Variants in ANKS1B observed in about 807,000 individuals in gnomAD.
ANKS1B encodes the protein ankyrin repeat and sterile alpha motif domain-containing protein 1B.
A neutral mutation model predicts 148.3 loss-of-function variants in ANKS1B; 36 were observed. The observed-to-expected ratio is 0.24, with a 90% CI of 0.19 to 0.32. The LOEUF (loss-of-function observed/expected upper bound fraction) is 0.32, where lower values mean the gene tolerates loss of function less well. ANKS1B is among the 10% of genes least tolerant of loss of function. The pLI, the probability that ANKS1B is intolerant of heterozygous loss-of-function variation, is 1.00. For synonymous variants in ANKS1B, 542 were observed against 560.8 expected (o/e 0.97, Z 0.47); for missense variants, 1,157 against 1,542.6 (o/e 0.75, Z 4.19).
intron 20 of ANKS1B, among the ~76,000 whole-genome samples, chr12:98,804,533 C>T (rs1182035680): frequency 6.6e-6 from 1 of 151,820 alleles, no homozygotes; most frequent in African/African-American, 2.4e-5. Context: ...AACAACTGGA[C>T]TTAACATTAC....
intron 9 of ANKS1B, among the ~76,000 whole-genome samples, chr12:99,585,783 T>C (rs562085954): frequency 6.6e-6 from 1 of 152,180 alleles, no homozygotes; most frequent in Non-Finnish European, 1.5e-5. Flanking sequence ...TCTGAAGCCA[T>C]GGCCCAGGCT....
chr12:99,789,405 T>C (rs977121985), intron 4 of ANKS1B, among the ~76,000 whole-genome samples: 6 of 152,016 alleles, frequency 3.9e-5, no homozygotes, highest in Admixed American at 2.6e-4. Context: ...AACTCTTCAA[T>C]GCCCAAACAT....
intron 15 of ANKS1B, among the ~76,000 whole-genome samples, chr12:99,086,059 A>C (rs927841616): frequency 2.0e-5 from 3 of 152,208 alleles, no homozygotes; most frequent in African/African-American, 7.2e-5. Flanking sequence ...TCACGATATG[A>C]AGATTGAATG....
intron 9 of ANKS1B, among the ~76,000 whole-genome samples, chr12:98,738,410 G>A (rs545592431): frequency 3.3e-5 from 5 of 152,254 alleles, no homozygotes; most frequent in Non-Finnish European, 7.4e-5. Context: ...TTGGGTCTGG[G>A]GGTTCAGAGC....
At chr12:99,439,837 G>T (rs922335736) in intron 11 of ANKS1B, among the ~76,000 whole-genome samples, 7 of 151,690 alleles carry the variant, frequency 4.6e-5, no homozygotes, top group African/African-American at 1.7e-4. Context: ...ACTTACATGT[G>T]TATATTCATA....
rs558469777 is a variant in ANKS1B, at chr12:99,612,170, T to C, written c.1272+42897A>G. Among the ~76,000 whole-genome samples the C allele has an allele frequency of 2.6e-5, 4 of 152,144 alleles. No individual in the cohort carries two copies. The South Asian group carries it at 8.4e-4, about 32-fold the overall frequency. ...AATGCAAAGTCATGACATGTACGGG[T>C]TCAGAGACACAGAGCTGATTGAGCA... On this transcript the variant is annotated intron_variant, in intron 9 of 26. Coordinates refer to ENST00000683438, the MANE Select transcript of ANKS1B (RefSeq NM_001352186.2).
At chr12:99,375,673 T>C (rs1159858194) in intron 12 of ANKS1B, among the ~76,000 whole-genome samples, 1 of 148,614 alleles carries the variant, frequency 6.7e-6, no homozygotes, top group Non-Finnish European at 1.5e-5. Context: ...CTCTAAGACA[T>C]GTTAAAAAAA....
At chr12:98,765,969 A>G (rs1453997356) in intron 25 of ANKS1B, among the ~76,000 whole-genome samples, 2 of 152,156 alleles carry the variant, frequency 1.3e-5, no homozygotes, top group Non-Finnish European at 2.9e-5. Context: ...TCTAAAGGCC[A>G]CCCCCTGATC....
intron 9 of ANKS1B, among the ~76,000 whole-genome samples, chr12:99,554,992 C>A (rs979744868): frequency 6.6e-6 from 1 of 152,046 alleles, no homozygotes; most frequent in African/African-American, 2.4e-5. Context: ...GGAGAATGGC[C>A]TCCAGCTCCA....
intron 17 of ANKS1B, among the ~76,000 whole-genome samples, chr12:99,010,762 T>TA (rs1442025227): frequency 1.1e-4 from 17 of 150,336 alleles, no homozygotes; most frequent in East Asian, 7.8e-4. Flanking sequence ...TTATTATTAT[T>TA]TTTTTTTGAG....
At chr12:99,282,319 TG>T (rs1263132868) in intron 12 of ANKS1B, among the ~76,000 whole-genome samples, 2 of 152,134 alleles carry the variant, frequency 1.3e-5, no homozygotes, top group African/African-American at 4.8e-5. Flanking sequence ...TGGAGCAAAG[TG>T]GGCAAAAGAG....
chr12:98,856,760 C>T (rs1300948098), intron 17 of ANKS1B, among the ~76,000 whole-genome samples: 2 of 152,028 alleles, frequency 1.3e-5, no homozygotes. Flanking sequence ...TTGACACTAG[C>T]TGGGGACAAA....
intron 8 of ANKS1B, among the ~76,000 whole-genome samples, chr12:99,684,483 C>T (rs577226844): frequency 6.6e-6 from 1 of 151,726 alleles, no homozygotes; most frequent in Admixed American, 6.6e-5. Context: ...ATAGATGACA[C>T]AAACAACTGG....
intron 1 of ANKS1B, among the ~76,000 whole-genome samples, chr12:99,975,951 T>C (rs1195978166): frequency 2.0e-5 from 3 of 152,186 alleles, no homozygotes; most frequent in Non-Finnish European, 4.4e-5. Context: ...TCAATCTAGA[T>C]GCCCATCAAT....
intron 9 of ANKS1B, among the ~76,000 whole-genome samples, chr12:99,644,069 G>A (rs1032378342): frequency 6.6e-6 from 1 of 151,910 alleles, no homozygotes; most frequent in African/African-American, 2.4e-5. Flanking sequence ...CCACATTTCA[G>A]TATAGGCAAC....
intron 17 of ANKS1B, among the ~76,000 whole-genome samples, chr12:98,906,493 G>C (rs1235170104): frequency 6.6e-6 from 1 of 152,174 alleles, no homozygotes; most frequent in Non-Finnish European, 1.5e-5. Context: ...CTAAAAGGGA[G>C]GATCCACAAC....
chr12:99,678,748 G>GC (rs1177426011), intron 8 of ANKS1B, among the ~76,000 whole-genome samples: 1 of 152,126 alleles, frequency 6.6e-6, no homozygotes, highest in Non-Finnish European at 1.5e-5. Flanking sequence ...CATTTTCTTA[G>GC]AGACTCCAAA....
At chr12:99,332,803 A>C (rs1324110524) in intron 12 of ANKS1B, among the ~76,000 whole-genome samples, 2 of 151,950 alleles carry the variant, frequency 1.3e-5, no homozygotes, top group African/African-American at 4.8e-5. Context: ...ATCTTAACAA[A>C]GGCTCAAGGG....
In ANKS1B at chr12:99,842,865, T is replaced by C. The variant is rs1356020727; in HGVS notation, c.135-17476A>G. Reference sequence around the variant, plus strand: ...GTATATTCTATTTTTTAGGGAGAGATGTGTACTTTTCAAGCTTATTAATTG... The same window carrying C: ...GTATATTCTATTTTTTAGGGAGAGACGTGTACTTTTCAAGCTTATTAATTG... On this transcript the variant is annotated intron_variant, in intron 1 of 26. Transcript: ENST00000683438. Among the ~76,000 whole-genome samples, 11 of 152,140 alleles carry C rather than the reference T, an allele frequency of 7.2e-5. No homozygotes were observed. The East Asian group carries it at 2.1e-3, about 29-fold the overall frequency.
Sources: gnomAD v4.1 joint callset for allele counts (sites outside exome capture counted in the v4.1 genomes callset) on GRCh38, gnomAD v4.1.1 for gene constraint, MANE v1.5 for transcripts, NCBI Gene and HGNC (gene_info 2026-07-23, HGNC 2026-07-21) for gene names.